Variants in CCDC88A observed in about 807,000 individuals in gnomAD.
The protein encoded by CCDC88A is girdin.
Under a neutral mutation model 234.3 loss-of-function variants are expected in CCDC88A, and 54 were observed. The ratio of observed to expected loss-of-function variants is 0.23; its 90% CI spans 0.19 to 0.29. The LOEUF (loss-of-function observed/expected upper bound fraction) is 0.29. Ranked by LOEUF, CCDC88A falls within the 10% of genes least tolerant of loss-of-function variation. The probability of loss-of-function intolerance (pLI) is 1.00; values close to 1 mark genes in which losing one functional copy is unlikely to be tolerated. For missense variants in CCDC88A, 1,832 were observed against 2,123.4 expected, an observed-to-expected ratio of 0.86 and a Z score of 2.70; for synonymous variants, 753 against 737.8, an observed-to-expected ratio of 1.02 and a Z score of -0.33.
Position 55,317,394 on chromosome 2 carries a change from A to G in CCDC88A, c.3603-45T>C. 7.4e-7 allele frequency: 1 copy of G among 1,355,532 alleles called. No homozygotes were observed. The highest frequency in any genetic ancestry group is 9.8e-7 in the Non-Finnish European group (1 of 1,023,772). 84.0% of individuals were successfully genotyped at this position (1,355,532 alleles called of 1,614,324 possible). On this transcript the variant is annotated intron_variant, in intron 20 of 32. Coordinates refer to ENST00000436346, the MANE Select transcript of CCDC88A (RefSeq NM_001365480.1). This position sits in a 1 kb window ranked among gnomAD's most constrained non-coding sequence, Gnocchi z 4.2. The stretch of plus-strand genomic sequence containing the variant: ...TTGGTTTATAATATTTACAAAAAAG[A>G]AATTTTAGAAATGAAGGAAATGAGT...
intron 25 of CCDC88A, among the ~76,000 whole-genome samples, chr2:55,303,816 G>T (rs927604590): frequency 6.6e-6 from 1 of 152,142 alleles, no homozygotes; most frequent in Non-Finnish European, 1.5e-5. Context: ...GCTACTGGTG[G>T]TTCACAGAGT....
At chr2:55,402,862 A>T (rs1379129000) in intron 2 of CCDC88A, among the ~76,000 whole-genome samples, 1 of 151,900 alleles carries the variant, frequency 6.6e-6, no homozygotes, top group Non-Finnish European at 1.5e-5. Flanking sequence ...ACAAAAAATT[A>T]GCCAGGCGTG....
chr2:55,386,623 C>A (rs973826684), intron 3 of CCDC88A, among the ~76,000 whole-genome samples: 31 of 151,898 alleles, frequency 2.0e-4, no homozygotes, highest in African/African-American at 7.2e-4. Context: ...AGGTGCCCAC[C>A]ACCAAGGCTG....
At chr2:55,296,751 A>T (rs752249634) in intron 29 of CCDC88A, 17 of 538,450 alleles carry the variant, frequency 3.2e-5, no homozygotes, top group Admixed American at 2.8e-4. Context: ...TAAGCTCCAT[A>T]AGGGCAAAGA....
intron 5 of CCDC88A, among the ~76,000 whole-genome samples, chr2:55,370,404 G>A (rs1436988613): frequency 6.6e-6 from 1 of 152,062 alleles, no homozygotes; most frequent in African/African-American, 2.4e-5. Context: ...CACGTTGGAA[G>A]GCCGAGGCGG....
intron 28 of CCDC88A, chr2:55,300,473 A>G (rs1442879028): frequency 6.6e-6 from 1 of 152,462 alleles, no homozygotes; most frequent in Non-Finnish European, 1.5e-5. Flanking sequence ...GATTTTCCAG[A>G]CAGAAATGGA....
intron 7 of CCDC88A, among the ~76,000 whole-genome samples, chr2:55,358,720 T>C (rs547235849): frequency 6.6e-6 from 1 of 152,242 alleles, no homozygotes; most frequent in East Asian, 1.9e-4. Context: ...CATTTCTTTC[T>C]TCTTATTGGC....
intron 3 of CCDC88A, among the ~76,000 whole-genome samples, chr2:55,375,512 T>TATATATAA (rs1491498389): frequency 7.2e-5 from 1 of 13,850 alleles, no homozygotes; most frequent in Admixed American, 1.1e-3. Context: ...TATATATATA[T>TATATATAA]GTATGTATGT....
chr2:55,401,203 G>A (rs934073621), intron 2 of CCDC88A, among the ~76,000 whole-genome samples: 1 of 151,688 alleles, frequency 6.6e-6, no homozygotes, highest in Non-Finnish European at 1.5e-5. Flanking sequence ...GCTGAGGCCA[G>A]AGAATTGCTT....
At position 55,328,287 on chromosome 2, in the gene CCDC88A, C is replaced by G; in HGVS notation, c.2997+7G>C. ...TCCTTAAAATTCTTTCCAAGAAAAT[C>G]ACTTACTGTTTTAAGTTCTTGGCGC... On this transcript the variant is annotated splice_region_variant and intron_variant, in intron 17 of 32. Coordinates refer to ENST00000436346, the MANE Select transcript of CCDC88A (RefSeq NM_001365480.1). The surrounding 1 kb of genome is among the most constrained non-coding windows in gnomAD (Gnocchi z 4.3). The G allele has an allele frequency of 6.4e-7, 1 of 1,563,396 alleles. No individual in the cohort carries two copies. The highest frequency in any genetic ancestry group is 8.6e-7 in the Non-Finnish European group (1 of 1,158,208).
chr2:55,321,424 G>A (rs939932121), intron 18 of CCDC88A, among the ~76,000 whole-genome samples: 21 of 151,772 alleles, frequency 1.4e-4, no homozygotes, highest in Non-Finnish European at 2.8e-4. Context: ...GGTGGCAGGC[G>A]CCTGTAGTCC....
chr2:55,325,501 C>A (rs1684151194), intron 17 of CCDC88A, among the ~76,000 whole-genome samples: 1 of 152,112 alleles, frequency 6.6e-6, no homozygotes, highest in South Asian at 2.1e-4. Flanking sequence ...TTCTTCCTTT[C>A]AAATCTGTAT....
intron 2 of CCDC88A, among the ~76,000 whole-genome samples, chr2:55,410,698 A>ATCTGC (rs1471555723): frequency 3.3e-5 from 5 of 152,150 alleles, no homozygotes; most frequent in Non-Finnish European, 5.9e-5. Context: ...AGAATGGGCA[A>ATCTGC]CACAGCAAAA....
intron 9 of CCDC88A, 149 bp downstream of exon 9, chr2:55,349,369 A>C (rs1669581887): frequency 1.7e-6 from 1 of 604,904 alleles, no homozygotes; most frequent in Non-Finnish European, 2.9e-6. Flanking sequence ...TTGAAGAGAG[A>C]GACTCTGAAA....
At chr2:55,306,509 G>T (rs539127325) in intron 25 of CCDC88A, among the ~76,000 whole-genome samples, 1 of 152,210 alleles carries the variant, frequency 6.6e-6, no homozygotes, top group African/African-American at 2.4e-5. Flanking sequence ...ATATAAGTGT[G>T]TATGACTTTT....
intron 3 of CCDC88A, among the ~76,000 whole-genome samples, chr2:55,375,891 GA>G (rs1673597115): frequency 6.6e-6 from 1 of 152,020 alleles, no homozygotes; most frequent in Non-Finnish European, 1.5e-5. Context: ...TTAAAATTAA[GA>G]AACCTAACTG....
At chr2:55,382,927 C>T (rs1015816786) in intron 3 of CCDC88A, among the ~76,000 whole-genome samples, 1 of 151,990 alleles carries the variant, frequency 6.6e-6, no homozygotes, top group African/African-American at 2.4e-5. Context: ...ACCATAGTTC[C>T]ATGAAAATAG....
chr2:55,403,933 G>A (rs1679140672), intron 2 of CCDC88A: 1 of 152,198 alleles, frequency 6.6e-6, no homozygotes, highest in African/African-American at 2.4e-5. Flanking sequence ...GTTTTAATCA[G>A]TATTCTGGAG....
intron 5 of CCDC88A, among the ~76,000 whole-genome samples, chr2:55,370,844 A>T (rs1181268493): frequency 1.3e-4 from 5 of 39,548 alleles, no homozygotes; most frequent in South Asian, 7.9e-4. Flanking sequence ...CCCATTTCTT[A>T]AAAAAAAAAA....
Sources: allele counts gnomAD v4.1 joint callset (sites outside exome capture counted in the v4.1 genomes callset), GRCh38; gene constraint gnomAD v4.1.1; non-coding constraint Gnocchi (gnomAD v3.1); transcripts MANE v1.5; gene names NCBI Gene and HGNC (gene_info 2026-07-23, HGNC 2026-07-21).